The following KLHL29 variants were observed in gnomAD, a reference collection of about 807,000 sequenced individuals.
The protein encoded by KLHL29 is kelch like family member 29.
A neutral mutation model predicts 80.4 loss-of-function variants in KLHL29; 21 were observed. The ratio of observed to expected loss-of-function variants is 0.26; its 90% CI spans 0.19 to 0.38. The LOEUF (loss-of-function observed/expected upper bound fraction) is 0.38. Among genes scored for constraint, KLHL29 ranks in the 10% least tolerant of loss-of-function variants. The pLI, the probability that KLHL29 is intolerant of heterozygous loss-of-function variation, is 1.00. For missense variants in KLHL29, 867 were observed against 1,223.9 expected (o/e 0.71, Z 4.35); for synonymous variants, 511 against 526.8 (o/e 0.97, Z 0.41).
At chr2:23,388,046 C>T (rs1365085048) in intron 1 of KLHL29, among the ~76,000 whole-genome samples, 1 of 152,048 alleles carries the variant, frequency 6.6e-6, no homozygotes, top group Non-Finnish European at 1.5e-5. Flanking sequence ...TAGAGTTTTA[C>T]TGAAATAAAA....
intron 1 of KLHL29, among the ~76,000 whole-genome samples, chr2:23,474,957 C>T (rs543267688): frequency 4.6e-5 from 7 of 151,808 alleles, no homozygotes; most frequent in African/African-American, 1.7e-4. Flanking sequence ...AGGAGTAGCT[C>T]TGCCTCCCCG....
At chr2:23,697,018 C>G (rs889205199) in intron 11 of KLHL29, 1 of 159,548 alleles carries the variant, frequency 6.3e-6, no homozygotes, top group African/African-American at 2.4e-5. Flanking sequence ...GCCACACACA[C>G]CAGGACATCT....
At chr2:23,574,038 T>C (rs1205160623) in intron 3 of KLHL29, among the ~76,000 whole-genome samples, 1 of 152,098 alleles carries the variant, frequency 6.6e-6, no homozygotes, top group Non-Finnish European at 1.5e-5. Context: ...CGGTCGTTCT[T>C]GGTGGATTTG....
chr2:23,703,110 T>C (rs12466745), intron 11 of KLHL29, 76 bp from the exon 12 acceptor site: 614,774 of 1,105,462 alleles, frequency 0.56, 173,983 homozygotes, highest in East Asian at 0.83. Context: ...AGATGGCAGT[T>C]TGCTGCCCTT....
At chr2:23,481,964 T>C (rs1222408422) in intron 2 of KLHL29, among the ~76,000 whole-genome samples, 2 of 151,428 alleles carry the variant, frequency 1.3e-5, no homozygotes, top group African/African-American at 2.4e-5. Flanking sequence ...GAGACTGGGC[T>C]GGGGGGAGAT....
At chr2:23,469,532 G>T (rs947898206) in intron 1 of KLHL29, among the ~76,000 whole-genome samples, 8 of 152,152 alleles carry the variant, frequency 5.3e-5, no homozygotes, top group Non-Finnish European at 1.0e-4. Context: ...AGCAACATCT[G>T]GGAAGGAATT....
intron 1 of KLHL29, among the ~76,000 whole-genome samples, chr2:23,433,279 A>G (rs549720880): frequency 6.6e-6 from 1 of 152,382 alleles, no homozygotes; most frequent in East Asian, 1.9e-4. Flanking sequence ...ATCCTTTTGC[A>G]GAGTTACCAG....
chr2:23,654,376 T>G (rs1465892679), intron 5 of KLHL29, among the ~76,000 whole-genome samples: 1 of 152,160 alleles, frequency 6.6e-6, no homozygotes, highest in Non-Finnish European at 1.5e-5. Flanking sequence ...GTTTAGGAAT[T>G]GCCATGGTGA....
chr2:23,527,686 T>C lies in KLHL29; in HGVS notation c.-45-34466T>C, dbSNP rs188512600. ...GTTCCAAAACACGCAGCCCACGAAA[T>C]TGTCCAACAACCTCGCCACATGGGT... On this transcript the variant is annotated intron_variant, in intron 2 of 13. Transcript: ENST00000486442. 3.9e-5 allele frequency among the ~76,000 whole-genome samples: 6 copies of C among 152,288 alleles called. No individual in the cohort carries two copies. In the East Asian group the frequency reaches 1.2e-3, roughly 29 times the overall value.
At chr2:23,463,955 T>A (rs921673204) in intron 1 of KLHL29, among the ~76,000 whole-genome samples, 5 of 152,206 alleles carry the variant, frequency 3.3e-5, no homozygotes, top group African/African-American at 1.2e-4. Context: ...ATTCTCTCCA[T>A]CTGGATCACA....
At position 23,385,690 on chromosome 2, in the gene KLHL29, G is replaced by A. The variant is rs1436527658; in HGVS notation, c.-244G>A. ...GCGGCCCCAGCCACCGCTACCCGCC[G>A]GCGCTGTCCGCTCTCCATCAGCCCT... is the stretch of plus-strand genomic sequence containing the variant. On this transcript the variant is annotated 5_prime_UTR_variant, in exon 1 of 14. Coordinates refer to ENST00000486442, the MANE Select transcript of KLHL29 (RefSeq NM_052920.2). The A allele has an allele frequency of 1.2e-5, 2 of 165,190 alleles. No homozygotes were observed. Among genetic ancestry groups the A allele is most frequent in the African/African-American group, 4.8e-5 (2 of 41,346 alleles). The allele number at this position is 165,190 out of a possible 1,614,324, so 10.2% of individuals were successfully genotyped here.
chr2:23,649,719 C>T lies in KLHL29; in HGVS notation c.940+6869C>T, dbSNP rs761155486. Among the ~76,000 whole-genome samples the T allele has an allele frequency of 9.2e-5, 14 of 152,336 alleles. No individual in the cohort carries two copies. The Middle Eastern group carries it at 0.01, about 111-fold the overall frequency. On this transcript the variant is annotated intron_variant, in intron 5 of 13. Coordinates refer to ENST00000486442, the MANE Select transcript of KLHL29 (RefSeq NM_052920.2). ...CTGACAGGGCCAGAGGTCCCGCTGC[C>T]GATGGGGATGAGAGGGCTGTTCAGA...
At chr2:23,416,420 C>G (rs920256924) in intron 1 of KLHL29, among the ~76,000 whole-genome samples, 1 of 152,180 alleles carries the variant, frequency 6.6e-6, no homozygotes, top group Non-Finnish European at 1.5e-5. Flanking sequence ...GTTTCTTCAT[C>G]TAGCAAAAGG....
At chr2:23,650,535 T>G (rs1670062212) in intron 5 of KLHL29, among the ~76,000 whole-genome samples, 1 of 152,210 alleles carries the variant, frequency 6.6e-6, no homozygotes, top group African/African-American at 2.4e-5. Flanking sequence ...CAGTGTTTGC[T>G]GGGGTAGCAA....
intron 1 of KLHL29, among the ~76,000 whole-genome samples, chr2:23,452,191 CT>C (rs34487052): frequency 2.6e-3 from 370 of 140,170 alleles, no homozygotes; most frequent in Non-Finnish European, 2.9e-3. Context: ...AAATTTTTTT[CT>C]TTTTTTTTTT....
At chr2:23,435,209 T>A (rs1663304303) in intron 1 of KLHL29, among the ~76,000 whole-genome samples, 1 of 151,982 alleles carries the variant, frequency 6.6e-6, no homozygotes, top group Admixed American at 6.6e-5. Flanking sequence ...TTGGGTAAGG[T>A]CGGGCATTAG....
At chr2:23,654,551 CTGGGTCTT>C (rs1235442403) in intron 5 of KLHL29, among the ~76,000 whole-genome samples, 3 of 152,160 alleles carry the variant, frequency 2.0e-5, no homozygotes, top group African/African-American at 7.2e-5. Context: ...TGGCCTCCCC[CTGGGTCTT>C]TGTAGTAATG....
At chr2:23,585,190 A>T (rs1475026308) in intron 3 of KLHL29, among the ~76,000 whole-genome samples, 1 of 152,188 alleles carries the variant, frequency 6.6e-6, no homozygotes, top group East Asian at 1.9e-4. Context: ...CTCGCCAAGA[A>T]ACCACACCTG....
chr2:23,568,202 A>G (rs546807728), intron 3 of KLHL29, among the ~76,000 whole-genome samples: 95 of 152,364 alleles, frequency 6.2e-4, no homozygotes, highest in African/African-American at 2.2e-3. Flanking sequence ...TGGGCAAAAA[A>G]AAAGTCCATA....
Sources: allele counts gnomAD v4.1 joint callset (sites outside exome capture counted in the v4.1 genomes callset), GRCh38; gene constraint gnomAD v4.1.1; transcripts MANE v1.5; gene names NCBI Gene and HGNC (gene_info 2026-07-23, HGNC 2026-07-21).